Variants in HPS4 observed in about 807,000 individuals in gnomAD.
HPS4 encodes HPS4 biogenesis of lysosomal organelles complex 3 subunit 2.
Under a neutral mutation model 70.3 loss-of-function variants are expected in HPS4, and 44 were observed. That is an observed-to-expected ratio of 0.63 (90% confidence interval 0.49 to 0.80). The LOEUF (loss-of-function observed/expected upper bound fraction) is 0.80. Ranked by LOEUF, HPS4 falls within the 30% of genes least tolerant of loss-of-function variation. The pLI, the probability that HPS4 is intolerant of heterozygous loss-of-function variation, is 0.00. For missense variants in HPS4, 873 were observed against 884.4 expected (o/e 0.99, Z 0.16); for synonymous variants, 377 against 355.9 (o/e 1.06, Z -0.67).
chr22:26,478,827 G>A (rs2090946311), intron 3 of HPS4, among the ~76,000 whole-genome samples: 1 of 151,970 alleles, frequency 6.6e-6, no homozygotes, highest in Non-Finnish European at 1.5e-5. Context: ...GGGATTACAG[G>A]AGCGTGCCAC....
upstream of HPS4, chr22:26,483,797 C>G (rs1483894197): frequency 5.9e-6 from 6 of 1,023,260 alleles, no homozygotes; most frequent in Non-Finnish European, 7.7e-6. Flanking sequence ...TTAGGTCACG[C>G]GCCGCCCCGC....
At chr22:26,443,221 C>G (rs140180423), downstream of HPS4, 4 of 1,610,438 alleles carry the variant, frequency 2.5e-6, no homozygotes, top group Middle Eastern at 3.3e-4. Context: ...ATTTCCCATG[C>G]TGGAGTCGGC....
At chr22:26,449,347 T>TG (rs2085063672), downstream of HPS4, among the ~76,000 whole-genome samples, 1 of 132,142 alleles carries the variant, frequency 7.6e-6, no homozygotes. Flanking sequence ...TTTTTTTTTT[T>TG]GAGACAGAGT....
At position 26,479,268 on chromosome 22, in the gene HPS4, G is replaced by A. The variant is rs1425959317; in HGVS notation, c.129C>T (p.Ser43=). ...AATAAAATGCTGTGTGGCTTACCTGGGAAGGATAAAAGTAACAAATGCCAG... is the reference window on the plus strand; with the variant it reads ...AATAAAATGCTGTGTGGCTTACCTGAGAAGGATAAAAGTAACAAATGCCAG... ...TRAGICYFYP[S]QTLLDQQELL... The change falls in exon 3 of 14, where the codon TCC becomes TCT. Residue 43 remains serine, a synonymous_variant. Coordinates refer to ENST00000398145, the MANE Select transcript of HPS4 (RefSeq NM_022081.6). The A allele has an allele frequency of 6.2e-7, 1 of 1,614,118 alleles. No individual in the cohort carries two copies. The highest frequency in any genetic ancestry group is 8.5e-7 in the Non-Finnish European group (1 of 1,180,020).
chr22:26,453,942 G>A (rs891463675), intron 13 of HPS4: 1 of 171,686 alleles, frequency 5.8e-6, no homozygotes, highest in African/African-American at 2.4e-5. Flanking sequence ...TGAAGGACAG[G>A]AGTGGGATGT....
At chr22:26,461,982 C>T (rs1182335231) in intron 11 of HPS4, among the ~76,000 whole-genome samples, 2 of 152,020 alleles carry the variant, frequency 1.3e-5, no homozygotes, top group Admixed American at 6.5e-5. Context: ...CAAAATTAGC[C>T]GGGCCTGGTG....
At chr22:26,469,203 T>A (rs764968720) in intron 7 of HPS4, among the ~76,000 whole-genome samples, 16 of 148,520 alleles carry the variant, frequency 1.1e-4, no homozygotes, top group Non-Finnish European at 1.9e-4. Flanking sequence ...TCACAGCACT[T>A]TGGGAGGCTG....
At chr22:26,447,345 G>A (rs1470515144), downstream of HPS4, among the ~76,000 whole-genome samples, 2 of 152,072 alleles carry the variant, frequency 1.3e-5, no homozygotes, top group Non-Finnish European at 2.9e-5. Context: ...AGTCCTGAAC[G>A]CAGCTCTGCC....
chr22:26,453,296 G>A lies in HPS4; in HGVS notation c.2064C>T (p.Gly688=), dbSNP rs1232370617. 6.8e-6 allele frequency: 11 copies of A among 1,614,104 alleles called. No individual in the cohort carries two copies. In the East Asian group the frequency reaches 1.1e-4, roughly 16 times the overall value. The change falls in exon 14 of 14, where the codon GGC becomes GGT. Residue 688 remains glycine (G), a synonymous_variant. Coordinates refer to ENST00000398145, the MANE Select transcript of HPS4 (RefSeq NM_022081.6). Reference sequence around the variant, plus strand: ...TTGCTTTGCCGGAGAGGCTGAAGGCGCCATCCTGAGGGTTTGGGAAGCCGG... The same window carrying A: ...TTGCTTTGCCGGAGAGGCTGAAGGCACCATCCTGAGGGTTTGGGAAGCCGG... ...RSSGFPNPQD[G]AFSLSGKAKQ...
chr22:26,459,281 C>A (rs915253654), intron 11 of HPS4, among the ~76,000 whole-genome samples: 1 of 152,170 alleles, frequency 6.6e-6, no homozygotes, highest in African/African-American at 2.4e-5. Context: ...GGACGACTGT[C>A]AAGGAGATGG....
chr22:26,462,049 C>G (rs569413957), intron 11 of HPS4, among the ~76,000 whole-genome samples: 1 of 151,304 alleles, frequency 6.6e-6, no homozygotes, highest in African/African-American at 2.4e-5. Context: ...CCGCTTGAAC[C>G]GGGGAGGCGG....
rs184231583 is a variant in HPS4, at chr22:26,462,250, G to A, written c.1713+1667C>T. Among the ~76,000 whole-genome samples, 46 of 152,288 alleles carry A rather than the reference G, an allele frequency of 3.0e-4. 2 individuals are homozygous for A. The highest frequency in any genetic ancestry group is 8.9e-4 in the African/African-American group (37 of 41,548). ...ACAGAAGCCCATGGAGGCTGATGTCGTAACAGCATGGATAGACCTTGACAA... is the reference window on the plus strand; with the variant it reads ...ACAGAAGCCCATGGAGGCTGATGTCATAACAGCATGGATAGACCTTGACAA... On this transcript the variant is annotated intron_variant, in intron 11 of 13. Transcript: ENST00000398145.
chr22:26,481,778 C>T lies in HPS4; in HGVS notation c.-16G>A. The T allele has an allele frequency of 6.2e-7, 1 of 1,613,346 alleles. No homozygotes were observed. Among genetic ancestry groups the T allele is most frequent in the African/African-American group, 1.3e-5 (1 of 75,032 alleles). On this transcript the variant is annotated 5_prime_UTR_variant, in exon 2 of 14. Transcript: ENST00000398145. ...AGGTGGCCATCTACTGTGCAGTCAT[C>T]CTCATTCTCTTCATTTAGGTTTTCT...
intron 11 of HPS4, among the ~76,000 whole-genome samples, 187 bp from the exon 12 acceptor site, chr22:26,458,764 T>G (rs964748793): frequency 9.4e-5 from 14 of 148,928 alleles, no homozygotes; most frequent in Non-Finnish European, 1.8e-4. Flanking sequence ...AAGGCTGCAG[T>G]GAGCCGAGAC....
Position 26,457,849 on chromosome 22 carries a change from G to A in HPS4, c.1955+10C>T. On this transcript the variant is annotated intron_variant, in intron 13 of 13. Coordinates refer to ENST00000398145, the MANE Select transcript of HPS4 (RefSeq NM_022081.6). The stretch of plus-strand genomic sequence containing the variant: ...GAGAGTAGGTTGGGGAGCGACTCAG[G>A]GAGGCTCACCTGACAGTCATTTCAT... 1 of 1,607,880 alleles carries A rather than the reference G, an allele frequency of 6.2e-7. No individual in the cohort carries two copies. The highest frequency in any genetic ancestry group is 8.5e-7 in the Non-Finnish European group (1 of 1,174,370).
chr22:26,449,975 G>A (rs1488802292), downstream of HPS4, among the ~76,000 whole-genome samples: 4 of 152,172 alleles, frequency 2.6e-5, no homozygotes, highest in South Asian at 8.3e-4. Context: ...CTGGCACCTG[G>A]TGGCTGCTGG....
intron 11 of HPS4, 27 bp from the exon 12 acceptor site, chr22:26,458,604 T>C: frequency 6.2e-7 from 1 of 1,613,600 alleles, no homozygotes. Context: ...GGTCATGGGC[T>C]TGTAGGGCTG....
intron 11 of HPS4, among the ~76,000 whole-genome samples, chr22:26,463,491 T>C (rs1029966189): frequency 2.6e-5 from 4 of 152,174 alleles, no homozygotes; most frequent in African/African-American, 9.7e-5. Flanking sequence ...ATTATCTCAC[T>C]GCATCTGGAA....
In HPS4 at chr22:26,457,973, A is replaced by C; in HGVS notation, c.1847-6T>G. 1.2e-6 allele frequency: 2 copies of C among 1,608,442 alleles called. No individual in the cohort carries two copies. Among genetic ancestry groups the C allele is most frequent in the African/African-American group, 1.3e-5 (1 of 75,010 alleles). Reference sequence around the variant, plus strand: ...GGCCACCTGCGGCAGGTTTGCTTCCAGAAGAGGACACAGAGTTGTGAAGAG... The same window carrying C: ...GGCCACCTGCGGCAGGTTTGCTTCCCGAAGAGGACACAGAGTTGTGAAGAG... On this transcript the variant is annotated splice_polypyrimidine_tract_variant and splice_region_variant and intron_variant, in intron 12 of 13. Coordinates refer to ENST00000398145, the MANE Select transcript of HPS4 (RefSeq NM_022081.6).
Sources: gnomAD v4.1 joint callset for allele counts (sites outside exome capture counted in the v4.1 genomes callset) on GRCh38, gnomAD v4.1.1 for gene constraint, MANE v1.5 for transcripts, NCBI Gene and HGNC (gene_info 2026-07-23, HGNC 2026-07-21) for gene names.